EXOSC9: variants seen among roughly 807,000 people sequenced by gnomAD.
EXOSC9 encodes exosome complex component RRP45.
A neutral mutation model predicts 56.5 loss-of-function variants in EXOSC9; 38 were observed. The ratio of observed to expected loss-of-function variants is 0.67; its 90% confidence interval spans 0.52 to 0.88. EXOSC9 has a LOEUF of 0.88. Ranked by LOEUF, EXOSC9 falls within the 40% of genes least tolerant of loss-of-function variation. The pLI is 0.00. For missense variants in EXOSC9, 559 were observed against 530.5 expected, an observed-to-expected ratio of 1.05 and a Z score of -0.53; for synonymous variants, 170 against 170.8, an observed-to-expected ratio of 0.99 and a Z score of 0.04.
Position 121,802,804 on chromosome 4 carries a change from C to A in EXOSC9, c.281+11C>A. The A allele has an allele frequency of 6.2e-7, 1 of 1,613,298 alleles. No individual in the cohort carries two copies. Among genetic ancestry groups the A allele is most frequent in the Non-Finnish European group, 8.5e-7 (1 of 1,179,840 alleles). On this transcript the variant is annotated intron_variant, in intron 3 of 11. Coordinates refer to ENST00000243498, the MANE Select transcript of EXOSC9 (RefSeq NM_005033.3). ...TTTCGAACCTGGCAGGTATTTAAATCTTTTTCTTAAGTTGCTTTAGTCATA... is the reference window on the plus strand; with the variant it reads ...TTTCGAACCTGGCAGGTATTTAAATATTTTTCTTAAGTTGCTTTAGTCATA...
At chr4:121,811,725 TA>T (rs1578504609) in intron 8 of EXOSC9, 54 bp downstream of exon 8, 1 of 913,608 alleles carries the variant, frequency 1.1e-6, no homozygotes, top group East Asian at 2.8e-5. Context: ...TTTAAATTTT[TA>T]TTATTTTTTT....
At chr4:121,803,588 T>C (rs1389672055) in intron 4 of EXOSC9, among the ~76,000 whole-genome samples, 2 of 152,324 alleles carry the variant, frequency 1.3e-5, no homozygotes, top group Non-Finnish European at 2.9e-5. Context: ...TTGCCCAGGC[T>C]GGAGTGCAGT....
At chr4:121,802,565 G>C in intron 2 of EXOSC9, 109 bp from the exon 3 acceptor site, 1 of 940,954 alleles carries the variant, frequency 1.1e-6, no homozygotes, top group Non-Finnish European at 1.6e-6. Flanking sequence ...GATTTATTTG[G>C]CTGAGTATGA....
At chr4:121,802,017 A>C (rs1386054978) in intron 2 of EXOSC9, 96 bp downstream of exon 2, 2 of 873,856 alleles carry the variant, frequency 2.3e-6, no homozygotes, top group Admixed American at 4.4e-5. Flanking sequence ...AGAAGTCTGG[A>C]CAGTATTCTT....
chr4:121,815,970 G>A (rs1251679807), intron 10 of EXOSC9: 1 of 1,243,000 alleles, frequency 8.0e-7, no homozygotes, highest in East Asian at 3.2e-5. Context: ...TCCACCTAGA[G>A]TTTTATTTTT....
Position 121,801,504 on chromosome 4 carries a change from C to G in EXOSC9, c.66+14C>G, listed in dbSNP as rs1455559863. 6.2e-7 allele frequency: 1 copy of G among 1,613,562 alleles called. No homozygotes were observed. Reference sequence around the variant, plus strand: ...GAAGAGAAGAAGGTATGGTTTGGTGCCCGCAGAATTGCGCGCTGCGTGGGC... The same window carrying G: ...GAAGAGAAGAAGGTATGGTTTGGTGGCCGCAGAATTGCGCGCTGCGTGGGC... On this transcript the variant is annotated intron_variant, in intron 1 of 11. Transcript: ENST00000243498.
chr4:121,816,807 CA>C lies in EXOSC9; in HGVS notation c.1273del (p.Ser425ValfsTer5). On this transcript the variant is annotated frameshift_variant, in exon 12 of 12. Transcript: ENST00000243498. LOFTEE classifies it high-confidence loss of function. Reference sequence around the variant, plus strand: ...ACCAGTGCAAAACAAGAAAAAGCACCAAGTAAAAAGCCAGTGAAAAGAAGAA... The same window carrying C: ...ACCAGTGCAAAACAAGAAAAAGCACCAGTAAAAAGCCAGTGAAAAGAAGAA... ...QTTSAKQEKAPSKKPVKRRKK... is the reference protein window; with the variant it reads ...QTTSAKQEKAXSKKPVKRRKK... The C allele has an allele frequency of 6.2e-7, 1 of 1,601,152 alleles. No homozygotes were observed. The highest frequency in any genetic ancestry group is 1.1e-5 in the South Asian group (1 of 89,278).
intron 5 of EXOSC9, among the ~76,000 whole-genome samples, chr4:121,806,347 T>C (rs1047910387): frequency 6.6e-6 from 1 of 152,092 alleles, no homozygotes; most frequent in Non-Finnish European, 1.5e-5. Flanking sequence ...AGACAGGGTT[T>C]CTCCATGTTG....
At position 121,811,604 on chromosome 4, in the gene EXOSC9, G is replaced by A. The variant is rs773780463; in HGVS notation, c.760G>A (p.Ala254Thr). The stretch of plus-strand genomic sequence containing the variant: ...ATAGGTTCTGAGATGCAGTAAAATC[G>A]CTGGTGTGAAAGTAGCAGAAATTAC... ...KDQVLRCSKIAGVKVAEITEL... is the reference protein window; with the variant it reads ...KDQVLRCSKITGVKVAEITEL... The change falls in exon 8 of 12, where the codon GCT (alanine) becomes ACT (threonine). Residue 254 changes from alanine (A) to threonine (T), a missense_variant. Ala to Thr is a moderately conservative substitution (Grantham distance 58). Coordinates refer to ENST00000243498, the MANE Select transcript of EXOSC9 (RefSeq NM_005033.3). 6.3e-6 allele frequency: 10 copies of A among 1,585,744 alleles called. No individual in the cohort carries two copies. Among genetic ancestry groups the A allele is most frequent in the South Asian group, 1.2e-5 (1 of 84,778 alleles).
intron 10 of EXOSC9, 21 bp from the exon 11 acceptor site, chr4:121,816,348 T>TC (rs776939809): frequency 7.5e-7 from 1 of 1,327,848 alleles, no homozygotes; most frequent in East Asian, 2.6e-5. Context: ...TTTTTTTTTT[T>TC]AAATTAATAA....
chr4:121,806,255 C>T (rs950301122), intron 5 of EXOSC9, among the ~76,000 whole-genome samples: 5 of 151,944 alleles, frequency 3.3e-5, no homozygotes, highest in African/African-American at 9.7e-5. Flanking sequence ...CGGATTCAAG[C>T]GATTCTCCTG....
In EXOSC9 at chr4:121,808,465, T is replaced by C. The variant is rs189437332; in HGVS notation, c.605+843T>C. On this transcript the variant is annotated intron_variant, in intron 6 of 11. Transcript: ENST00000243498. ...ACCTCTGCTTTCTGGGCTCAATGAA[T>C]TCTTCAGCCTCAGCCTTCCGAGTAG... 5.4e-3 allele frequency among the ~76,000 whole-genome samples: 815 copies of C among 152,316 alleles called. 5 individuals carry two copies. The highest frequency in any genetic ancestry group is 9.3e-3 in the Non-Finnish European group (630 of 68,020).
At chr4:121,804,026 A>AG in intron 4 of EXOSC9, among the ~76,000 whole-genome samples, 1 of 152,250 alleles carries the variant, frequency 6.6e-6, no homozygotes, top group East Asian at 1.9e-4. Context: ...TCTGAGGGAC[A>AG]GGGTGACACT....
At chr4:121,804,499 CA>C (rs1726961775) in intron 4 of EXOSC9, 122 bp from the exon 5 acceptor site, 1 of 575,050 alleles carries the variant, frequency 1.7e-6, no homozygotes, top group Non-Finnish European at 2.9e-6. Context: ...TGACAAAGTA[CA>C]AGGAGTAACT....
intron 9 of EXOSC9, chr4:121,813,657 T>C (rs1031533123): frequency 1.1e-5 from 6 of 533,708 alleles, no homozygotes; most frequent in African/African-American, 3.8e-5. Context: ...TCTTCACATT[T>C]CTTATTAATT....
chr4:121,813,085 T>G (rs1321500533), intron 8 of EXOSC9, 149 bp from the exon 9 acceptor site: 1 of 652,164 alleles, frequency 1.5e-6, no homozygotes, highest in African/African-American at 1.8e-5. Flanking sequence ...GCATAATAAA[T>G]TGGTGAGGTT....
chr4:121,809,570 G>C (rs925384571), intron 6 of EXOSC9, among the ~76,000 whole-genome samples: 2 of 152,014 alleles, frequency 1.3e-5, no homozygotes, highest in Non-Finnish European at 2.9e-5. Flanking sequence ...TTTTTTTCAT[G>C]AGCCATTAGC....
In EXOSC9 at chr4:121,801,827, C is replaced by T. The variant is rs564772809; in HGVS notation, c.67C>T (p.Arg23Trp). The change falls in exon 2 of 12, where the codon CGG becomes TGG. Residue 23 changes from arginine (R) to tryptophan (W), a missense_variant and splice_region_variant. Transcript: ENST00000243498. ...TTAATGAATGAATTTGTGCTTACAGCGGCTGGATGGCAGACAAACCTATGA... is the reference window on the plus strand; with the variant it reads ...TTAATGAATGAATTTGTGCTTACAGTGGCTGGATGGCAGACAAACCTATGA... ...FLLRAIEEKKRLDGRQTYDYR... is the reference protein window; with the variant it reads ...FLLRAIEEKKWLDGRQTYDYR... 4 of 1,610,148 alleles carry T rather than the reference C, an allele frequency of 2.5e-6. No individual in the cohort carries two copies. The highest frequency in any genetic ancestry group is 3.4e-6 in the Non-Finnish European group (4 of 1,176,394).
chr4:121,814,172 A>AG, intron 10 of EXOSC9, 125 bp downstream of exon 10: 2 of 584,622 alleles, frequency 3.4e-6, no homozygotes, highest in Non-Finnish European at 5.9e-6. Context: ...AATATATAGC[A>AG]TATTAGCTAT....
Sources: gnomAD v4.1 joint callset for allele counts (sites outside exome capture counted in the v4.1 genomes callset) on GRCh38, gnomAD v4.1.1 for gene constraint, MANE v1.5 for transcripts, NCBI Gene and HGNC (gene_info 2026-07-23, HGNC 2026-07-21) for gene names.